Variants in MATCAP2 observed in about 807,000 individuals in gnomAD.
MATCAP2 encodes putative tyrosine carboxypeptidase MATCAP2.
the MATCAP2 span, among the ~76,000 whole-genome samples, chr7:36,378,728 G>A: frequency 1.3e-5 from 2 of 152,314 alleles, no homozygotes; most frequent in East Asian, 3.9e-4. Context: ...AGGCAGACAG[G>A]CCTCCTTGAG....
At chr7:36,382,513 G>C in the MATCAP2 span, among the ~76,000 whole-genome samples, 2 of 151,206 alleles carry the variant, frequency 1.3e-5, no homozygotes, top group East Asian at 3.9e-4. Context: ...TTTGTTTTGA[G>C]ATGGAGTCTC....
the MATCAP2 span, chr7:36,326,716 T>G: frequency 5.2e-6 from 8 of 1,549,824 alleles, no homozygotes; most frequent in Admixed American, 5.8e-5. Flanking sequence ...ACTGGTAATA[T>G]ACATGGAGGC....
At chr7:36,331,496 A>G in the MATCAP2 span, among the ~76,000 whole-genome samples, 1 of 152,306 alleles carries the variant, frequency 6.6e-6, no homozygotes, top group South Asian at 2.1e-4. Flanking sequence ...GGTACATCTC[A>G]ATAAAGGTAG....
the MATCAP2 span, among the ~76,000 whole-genome samples, chr7:36,386,656 G>A: frequency 6.6e-6 from 1 of 151,976 alleles, no homozygotes; most frequent in Non-Finnish European, 1.5e-5. Flanking sequence ...AGAAAAATGG[G>A]CAAGGATATA....
chr7:36,379,007 A>G, the MATCAP2 span, among the ~76,000 whole-genome samples: 3 of 152,242 alleles, frequency 2.0e-5, no homozygotes, highest in Non-Finnish European at 2.9e-5. Flanking sequence ...ATACTGTCAC[A>G]GCTGCCCTTG....
At chr7:36,354,210 G>T in the MATCAP2 span, among the ~76,000 whole-genome samples, 2 of 152,186 alleles carry the variant, frequency 1.3e-5, no homozygotes, top group African/African-American at 4.8e-5. Flanking sequence ...CCTGCAGCCT[G>T]CTGTATGTCC....
chr7:36,374,159 G>A, the MATCAP2 span, among the ~76,000 whole-genome samples: 1 of 151,906 alleles, frequency 6.6e-6, no homozygotes, highest in Non-Finnish European at 1.5e-5. Context: ...GCTCACTGCA[G>A]CCTCCACCTA....
the MATCAP2 span, among the ~76,000 whole-genome samples, chr7:36,358,743 T>C: frequency 1.3e-5 from 2 of 152,226 alleles, no homozygotes; most frequent in African/African-American, 2.4e-5. Context: ...TATAAACACA[T>C]TGTTCTTACC....
the MATCAP2 span, among the ~76,000 whole-genome samples, chr7:36,332,697 G>A: frequency 1.3e-5 from 2 of 152,236 alleles, no homozygotes; most frequent in African/African-American, 2.4e-5. Flanking sequence ...GGAGGCCGAG[G>A]CGGTTGGATC....
chr7:36,387,848 C>A, the MATCAP2 span, among the ~76,000 whole-genome samples: 1 of 152,112 alleles, frequency 6.6e-6, no homozygotes, highest in African/African-American at 2.4e-5. Context: ...ACATAAATTT[C>A]TAATGACTCA....
At chr7:36,352,576 C>T in the MATCAP2 span, among the ~76,000 whole-genome samples, 1 of 151,550 alleles carries the variant, frequency 6.6e-6, no homozygotes, top group Non-Finnish European at 1.5e-5. Context: ...GCCTGTAATC[C>T]CAGCACTTTG....
chr7:36,383,783 G>A, the MATCAP2 span: 132 of 973,204 alleles, frequency 1.4e-4, no homozygotes, highest in Non-Finnish European at 1.9e-4. Context: ...TGCACGTTCT[G>A]CACATGTACT....
chr7:36,373,103 TAAAAAAAA>T, the MATCAP2 span, among the ~76,000 whole-genome samples: 1 of 116,192 alleles, frequency 8.6e-6, no homozygotes, highest in Admixed American at 9.0e-5. Context: ...AGACTTCATC[TAAAAAAAA>T]AAAAAAAAAA....
chr7:36,349,911 G>A, the MATCAP2 span, among the ~76,000 whole-genome samples: 2 of 152,046 alleles, frequency 1.3e-5, no homozygotes, highest in African/African-American at 2.4e-5. Context: ...TGCTATTTAG[G>A]TTAAGAAATA....
chr7:36,366,645 G>A, the MATCAP2 span: 1 of 1,520,238 alleles, frequency 6.6e-7, no homozygotes, highest in Non-Finnish European at 8.8e-7. Flanking sequence ...ACCTTTGTAA[G>A]ACCAGCAACC....
chr7:36,326,804 C>G, the MATCAP2 span: 2 of 1,613,810 alleles, frequency 1.2e-6, no homozygotes, highest in Non-Finnish European at 1.7e-6. Context: ...TCATTCACTT[C>G]CATGATCTTC....
chr7:36,386,426 T>C, the MATCAP2 span, among the ~76,000 whole-genome samples: 1 of 138,478 alleles, frequency 7.2e-6, no homozygotes. Flanking sequence ...ATATATGGTA[T>C]ATGTGTATGT....
chr7:36,352,409 A>AG, the MATCAP2 span, among the ~76,000 whole-genome samples: 1 of 151,516 alleles, frequency 6.6e-6, no homozygotes, highest in Non-Finnish European at 1.5e-5. Flanking sequence ...AAAAAAAAAA[A>AG]AAAAAAAAAA....
chr7:36,334,190 A>G, the MATCAP2 span: 8 of 1,518,878 alleles, frequency 5.3e-6, no homozygotes, highest in Non-Finnish European at 7.2e-6. Flanking sequence ...ACATGAAGAA[A>G]AAGAAATGCC....
Sources: allele counts gnomAD v4.1 joint callset (sites outside exome capture counted in the v4.1 genomes callset), GRCh38; gene constraint gnomAD v4.1.1; transcripts MANE v1.5; gene names NCBI Gene and HGNC (gene_info 2026-07-23, HGNC 2026-07-21).